SPEN: variants seen among roughly 807,000 people sequenced by gnomAD.
SPEN encodes msx2-interacting protein.
SPEN carries 18 observed loss-of-function variants against 269.9 expected under a neutral mutation model. The ratio of observed to expected loss-of-function variants is 0.07; its 90% CI spans 0.05 to 0.10. The LOEUF (loss-of-function observed/expected upper bound fraction) is 0.10. SPEN is among the 10% of genes least tolerant of loss of function. The pLI, the probability that SPEN is intolerant of heterozygous loss-of-function variation, is 1.00. For synonymous variants in SPEN, 1,726 were observed against 1,765.7 expected (o/e 0.98, Z 0.56); for missense variants, 3,822 against 4,631.2 (o/e 0.83, Z 5.07).
rs748463310 is a variant in SPEN at position 15,932,969 on chromosome 1, C to G, written c.6729C>G (p.Ser2243=). ...FPAPPPYPGE[S]QTDLQPPAGA... ...CACCTCCACCTTATCCTGGAGAATC[C>G]CAGACAGATCTGCAACCCCCCGCAG... The change falls in exon 11 of 15, where the codon TCC becomes TCG. Residue 2243 remains serine, a synonymous_variant. Coordinates refer to ENST00000375759, the MANE Select transcript of SPEN (RefSeq NM_015001.3). This position sits in a 1 kb window ranked among gnomAD's most constrained non-coding sequence, Gnocchi z 4.2. The G allele has an allele frequency of 3.1e-6, 5 of 1,614,054 alleles. No homozygotes were observed. In the South Asian group the frequency reaches 5.5e-5, roughly 18 times the overall value.
Position 15,931,624 on chromosome 1 carries a change from C to G in SPEN, c.5384C>G (p.Pro1795Arg). 3 of 1,614,198 alleles carry G rather than the reference C, an allele frequency of 1.9e-6. No individual in the cohort carries two copies. Among genetic ancestry groups the G allele is most frequent in the Non-Finnish European group, 2.5e-6 (3 of 1,180,030 alleles). ...PDANQKAEAA[P>R]ESQPPASEDL... is the part of the protein sequence containing the mutation. ...GCAAACCAGAAAGCCGAAGCTGCTC[C>G]TGAGTCTCAGCCCCCAGCTTCTGAA... Residue 1795 changes from proline (P) to arginine (R), a missense_variant, in exon 11 of 15, where the codon CCT becomes CGT. By Grantham distance (103) the Pro-to-Arg change is moderately radical. Coordinates refer to ENST00000375759, the MANE Select transcript of SPEN (RefSeq NM_015001.3). The surrounding 1 kb of genome is among the most constrained non-coding windows in gnomAD (Gnocchi z 4.8).
chr1:15,856,392 G>A (rs2070387117), intron 1 of SPEN, among the ~76,000 whole-genome samples: 1 of 151,720 alleles, frequency 6.6e-6, no homozygotes, highest in Admixed American at 6.6e-5. Context: ...CTTCTTACTG[G>A]GATCTAATAT....
At chr1:15,891,116 G>A (rs2070783983) in intron 3 of SPEN, among the ~76,000 whole-genome samples, 1 of 152,204 alleles carries the variant, frequency 6.6e-6, no homozygotes, top group Non-Finnish European at 1.5e-5. Flanking sequence ...ATATATGTGT[G>A]TGGGTTTTAA....
chr1:15,923,173 A>C (rs1465324624), intron 10 of SPEN, among the ~76,000 whole-genome samples: 1 of 152,254 alleles, frequency 6.6e-6, no homozygotes, highest in Non-Finnish European at 1.5e-5. Context: ...AAGCCAAAGC[A>C]TATGTAAACT....
intron 11 of SPEN, among the ~76,000 whole-genome samples, chr1:15,936,669 G>C (rs1321289964): frequency 6.6e-6 from 1 of 151,594 alleles, no homozygotes; most frequent in Non-Finnish European, 1.5e-5. Flanking sequence ...GGGCATAGTG[G>C]CTCACGCCTG....
In SPEN at chr1:15,940,044, CAG is replaced by C. The variant is rs568350822; in HGVS notation, c.*619_*620del. ...GTACAGTTTACAGTTGAAGAGCAAA[CAG>C]AAAGGTTTTCTCTTGGTGGGATATG... On this transcript the variant is annotated 3_prime_UTR_variant, in exon 15 of 15. Transcript: ENST00000375759. The C allele has an allele frequency of 8.8e-6, 2 of 226,750 alleles. No homozygotes were observed. The highest frequency in any genetic ancestry group is 1.8e-4 in the South Asian group (1 of 5,442). The allele number at this position is 226,750 out of a possible 1,614,324, so 14.0% of individuals were successfully genotyped here. A position where few individuals can be genotyped will look rare whatever the true frequency, so the allele number is the denominator to read the frequency against.
chr1:15,850,454 AT>A (rs2070324315), intron 1 of SPEN, among the ~76,000 whole-genome samples: 1 of 151,640 alleles, frequency 6.6e-6, no homozygotes, highest in Non-Finnish European at 1.5e-5. Context: ...TAGACAGTAC[AT>A]TTTTATGGGT....
chr1:15,870,611 G>A (rs1443389948), intron 1 of SPEN, among the ~76,000 whole-genome samples: 1 of 152,192 alleles, frequency 6.6e-6, no homozygotes, highest in East Asian at 1.9e-4. Context: ...TTCTATAGTA[G>A]CATGACTTGT....
chr1:15,909,577 T>C (rs958284492), intron 4 of SPEN, 96 bp downstream of exon 4: 3 of 1,290,042 alleles, frequency 2.3e-6, no homozygotes, highest in Non-Finnish European at 3.2e-6. Flanking sequence ...CATAAAATTA[T>C]AATGGAAAAC....
chr1:15,889,485 G>A (rs2070769683), intron 3 of SPEN, among the ~76,000 whole-genome samples: 1 of 151,342 alleles, frequency 6.6e-6, no homozygotes, highest in Non-Finnish European at 1.5e-5. Flanking sequence ...ATTTCCTGGA[G>A]TTCAGAATTA....
At chr1:15,877,117 A>G (rs1053236360) in intron 3 of SPEN, among the ~76,000 whole-genome samples, 3 of 152,212 alleles carry the variant, frequency 2.0e-5, no homozygotes, top group Admixed American at 6.5e-5. Context: ...TTTATTATCA[A>G]TGACTAGATC....
At chr1:15,905,622 G>C (rs1266064219) in intron 3 of SPEN, among the ~76,000 whole-genome samples, 1 of 151,458 alleles carries the variant, frequency 6.6e-6, no homozygotes, top group African/African-American at 2.4e-5. Context: ...CCCCAGGCTG[G>C]AGTGGAGTAG....
intron 1 of SPEN, among the ~76,000 whole-genome samples, chr1:15,853,617 C>G (rs769730866): frequency 6.6e-6 from 1 of 151,960 alleles, no homozygotes; most frequent in Non-Finnish European, 1.5e-5. Context: ...CCTCAGCCTC[C>G]TGAATAGCTG....
intron 3 of SPEN, among the ~76,000 whole-genome samples, chr1:15,877,987 C>A (rs999756918): frequency 2.6e-5 from 4 of 152,070 alleles, no homozygotes; most frequent in African/African-American, 9.7e-5. Flanking sequence ...TCAGGTGATT[C>A]ACCTGCCTTG....
chr1:15,885,014 A>G (rs2148715741), intron 3 of SPEN, among the ~76,000 whole-genome samples: 1 of 152,302 alleles, frequency 6.6e-6, no homozygotes, highest in East Asian at 1.9e-4. Flanking sequence ...TTCAGGCATG[A>G]GCCACTGAGC....
chr1:15,866,188 AGGG>A (rs900902801), intron 1 of SPEN, among the ~76,000 whole-genome samples: 5 of 152,020 alleles, frequency 3.3e-5, no homozygotes, highest in African/African-American at 9.7e-5. Context: ...GAAATACTTC[AGGG>A]TATGAGCTTT....
chr1:15,934,685 G>A lies in SPEN; in HGVS notation c.8445G>A (p.Val2815=). The A allele has an allele frequency of 6.2e-7, 1 of 1,614,200 alleles. No homozygotes were observed. The highest frequency in any genetic ancestry group is 8.5e-7 in the Non-Finnish European group (1 of 1,180,040). ...GTGTGAACACTTCTGAAGGGGTTGTGCTCCTGAGTTACTCAGGGCAGAAGA... is the reference window on the plus strand; with the variant it reads ...GTGTGAACACTTCTGAAGGGGTTGTACTCCTGAGTTACTCAGGGCAGAAGA... ...GLRVNTSEGV[V]LLSYSGQKTE... The change falls in exon 11 of 15, where the codon GTG becomes GTA. Residue 2815 remains valine, a synonymous_variant. Transcript: ENST00000375759. The surrounding 1 kb of genome is among the most constrained non-coding windows in gnomAD (Gnocchi z 9.2).
intron 3 of SPEN, among the ~76,000 whole-genome samples, chr1:15,907,572 A>G (rs1280112840): frequency 1.3e-5 from 2 of 152,202 alleles, no homozygotes; most frequent in Non-Finnish European, 2.9e-5. Flanking sequence ...TGAGAGCTGT[A>G]GTTCTAGTGC....
At position 15,938,905 on chromosome 1, in the gene SPEN, T is replaced by C. The variant is rs752851190; in HGVS notation, c.10863+29T>C. 1.3e-4 allele frequency: 205 copies of C among 1,606,700 alleles called. 1 individual carries two copies. The highest frequency in any genetic ancestry group is 1.9e-5 in the Non-Finnish European group (22 of 1,176,234). ...GGTTGTCCTGTGTCCTTCCTTCACA[T>C]GTACACCCACAGGTGGGGCTGATCA... On this transcript the variant is annotated intron_variant, in intron 14 of 14. Coordinates refer to ENST00000375759, the MANE Select transcript of SPEN (RefSeq NM_015001.3).
Sources: gnomAD v4.1 joint callset for allele counts (sites outside exome capture counted in the v4.1 genomes callset) on GRCh38, gnomAD v4.1.1 for gene constraint, Gnocchi (gnomAD v3.1) non-coding constraint, MANE v1.5 for transcripts, NCBI Gene and HGNC (gene_info 2026-07-23, HGNC 2026-07-21) for gene names.